The following MAP3K4 variants were observed in gnomAD, a reference collection of about 807,000 sequenced individuals.
The protein encoded by MAP3K4 is mitogen-activated protein kinase kinase kinase 4, also known as MAP three kinase 1.
A neutral mutation model predicts 185.6 loss-of-function variants in MAP3K4; 67 were observed. The ratio of observed to expected loss-of-function variants is 0.36; its 90% CI spans 0.30 to 0.44. MAP3K4 has a LOEUF of 0.44. Ranked by LOEUF, MAP3K4 falls within the 20% of genes least tolerant of loss-of-function variation. The probability of loss-of-function intolerance (pLI) is 1.00; values close to 1 mark genes in which losing one functional copy is unlikely to be tolerated. For missense variants in MAP3K4, 1,551 were observed against 1,995.1 expected, an observed-to-expected ratio of 0.78 and a Z score of 4.24; for synonymous variants, 702 against 710.4, an observed-to-expected ratio of 0.99 and a Z score of 0.19.
chr6:161,099,083 C>G, intron 17 of MAP3K4, among the ~76,000 whole-genome samples: 1 of 152,156 alleles, frequency 6.6e-6, no homozygotes, highest in Non-Finnish European at 1.5e-5. Flanking sequence ...GTTCTCCTAT[C>G]CTAAGTGGAG....
rs142859929 is a variant in MAP3K4, at chr6:161,078,299, C to T, written c.2098-2582C>T. On this transcript the variant is annotated intron_variant, in intron 5 of 26. Transcript: ENST00000392142. Reference sequence around the variant, plus strand: ...GGGCAGGGGGAATGGGATGGTTAGGCTTAAGCCAGCTTTGGGGTCTTGACC... The same window carrying T: ...GGGCAGGGGGAATGGGATGGTTAGGTTTAAGCCAGCTTTGGGGTCTTGACC... Among the ~76,000 whole-genome samples, 304 of 152,316 alleles carry T rather than the reference C, an allele frequency of 2.0e-3. 1 individual carries two copies. Among genetic ancestry groups the T allele is most frequent in the African/African-American group, 7.0e-3 (290 of 41,572 alleles).
chr6:161,075,964 A>T lies in MAP3K4; in HGVS notation c.2097+2352A>T, dbSNP rs1305693066. Among the ~76,000 whole-genome samples, 1 of 152,210 alleles carries T rather than the reference A, an allele frequency of 6.6e-6. No individual in the cohort carries two copies. Among genetic ancestry groups the T allele is most frequent in the African/African-American group, 2.4e-5 (1 of 41,452 alleles). Reference sequence around the variant, plus strand: ...ATTAGGAAGGAAGGAAAGAACAGCAATTGAATTGGCAGTCAAATTATGTTT... The same window carrying T: ...ATTAGGAAGGAAGGAAAGAACAGCATTTGAATTGGCAGTCAAATTATGTTT... On this transcript the variant is annotated intron_variant, in intron 5 of 26. Coordinates refer to ENST00000392142, the MANE Select transcript of MAP3K4 (RefSeq NM_005922.4). This position sits in a 1 kb window ranked among gnomAD's most constrained non-coding sequence, Gnocchi z 4.3.
At position 161,084,606 on chromosome 6, in the gene MAP3K4, C is replaced by T. The variant is rs779992296; in HGVS notation, c.2361C>T (p.Ser787=). ...CTAGTGCGGATGACAGCAGTGCTTCCGACGAAATCAGGTTGGAGTTGTGCT... is the reference window on the plus strand; with the variant it reads ...CTAGTGCGGATGACAGCAGTGCTTCTGACGAAATCAGGTTGGAGTTGTGCT... ...FWTSADDSSA[S]DEIRRSVIEI... Residue 787 remains serine, a synonymous_variant, in exon 7 of 27, where the codon TCC becomes TCT. Transcript: ENST00000392142. The surrounding 1 kb of genome is among the most constrained non-coding windows in gnomAD (Gnocchi z 4.6). 1.0e-5 allele frequency: 16 copies of T among 1,594,612 alleles called. No individual in the cohort carries two copies. In the East Asian group the frequency reaches 2.0e-4, roughly 20 times the overall value.
At chr6:161,105,619 T>A (rs1778031114) in intron 19 of MAP3K4, among the ~76,000 whole-genome samples, 1 of 152,090 alleles carries the variant, frequency 6.6e-6, no homozygotes, top group Admixed American at 6.5e-5. Context: ...TAAGATTCAC[T>A]CAACAGATAC....
intron 2 of MAP3K4, among the ~76,000 whole-genome samples, chr6:161,040,818 G>A (rs1457479740): frequency 6.6e-6 from 1 of 152,236 alleles, no homozygotes; most frequent in African/African-American, 2.4e-5. Context: ...TCAGTAAGAG[G>A]ATATTATCTT....
At chr6:160,998,688 G>A (rs1284264947) in intron 1 of MAP3K4, among the ~76,000 whole-genome samples, 1 of 152,176 alleles carries the variant, frequency 6.6e-6, no homozygotes, top group Non-Finnish European at 1.5e-5. Context: ...TTACATTAGG[G>A]TGGTCTTTTA....
At chr6:161,005,675 T>G (rs925794702) in intron 1 of MAP3K4, among the ~76,000 whole-genome samples, 15 of 152,206 alleles carry the variant, frequency 9.9e-5, no homozygotes, top group African/African-American at 3.4e-4. Context: ...GTAGTAGTAA[T>G]GTTAGCTTAT....
Position 161,109,967 on chromosome 6 carries a change from C to T in MAP3K4, c.4396+53C>T, listed in dbSNP as rs1583247809. 26 of 1,595,330 alleles carry T rather than the reference C, an allele frequency of 1.6e-5. No homozygotes were observed. In the East Asian group the frequency reaches 4.5e-4, roughly 27 times the overall value. ...GGGCCAGAGCCACTGGTACCCAGCCCGTGGGAGGTGCTCTGAAGACGCTCA... is the reference window on the plus strand; with the variant it reads ...GGGCCAGAGCCACTGGTACCCAGCCTGTGGGAGGTGCTCTGAAGACGCTCA... On this transcript the variant is annotated intron_variant, in intron 23 of 26. Transcript: ENST00000392142. The surrounding 1 kb of genome is among the most constrained non-coding windows in gnomAD (Gnocchi z 5.7).
At chr6:161,024,712 G>A (rs938011317) in intron 1 of MAP3K4, among the ~76,000 whole-genome samples, 1 of 152,164 alleles carries the variant, frequency 6.6e-6, no homozygotes, top group East Asian at 1.9e-4. Flanking sequence ...CATATCAGGG[G>A]CACGTGCTGT....
chr6:161,036,461 C>A (rs1429560366), intron 2 of MAP3K4, among the ~76,000 whole-genome samples: 2 of 152,164 alleles, frequency 1.3e-5, no homozygotes, highest in African/African-American at 4.8e-5. Context: ...AAAGTAGCTT[C>A]TTTTACCATT....
rs539938220 is a variant in MAP3K4 at position 161,026,341 on chromosome 6, T to A, written c.153-7918T>A. On this transcript the variant is annotated intron_variant, in intron 1 of 26. Coordinates refer to ENST00000392142, the MANE Select transcript of MAP3K4 (RefSeq NM_005922.4). ...TAGTAAAGACGGGGTTTCACCATGT[T>A]AGCCAGGATGGTCTTGATCTTCTGA... 7.2e-5 allele frequency among the ~76,000 whole-genome samples: 11 copies of A among 152,222 alleles called. No homozygotes were observed. The East Asian group carries it at 1.7e-3, about 24-fold the overall frequency.
chr6:161,085,877 A>G (rs1443379633), intron 7 of MAP3K4, among the ~76,000 whole-genome samples: 1 of 152,202 alleles, frequency 6.6e-6, no homozygotes, highest in African/African-American at 2.4e-5. Context: ...AGAGCTGATC[A>G]TGCACATCTC....
In MAP3K4 at chr6:161,048,850, G is replaced by C. The variant is rs2114760892; in HGVS notation, c.578G>C (p.Cys193Ser). Residue 193 changes from cysteine (C) to serine (S), a missense_variant, in exon 3 of 27, where the codon TGT becomes TCT. Cys to Ser is a moderately radical substitution (Grantham distance 112, BLOSUM62 -1). This residue lies in a region of MAP3K4 where 287 missense variants were observed against 268.8 expected (regional missense o/e 1.07). Transcript: ENST00000392142. This position sits in a 1 kb window ranked among gnomAD's most constrained non-coding sequence, Gnocchi z 4.7. ...DLNKPYLSLG[C>S]SNAKLPVSVP... is the part of the protein sequence containing the mutation. ...AATAAGCCTTACCTCAGCCTTGGCT[G>C]TAGCAATGCTAAGCTTCCAGTATCT... 1 of 1,614,188 alleles carries C rather than the reference G, an allele frequency of 6.2e-7. No homozygotes were observed. Among genetic ancestry groups the C allele is most frequent in the East Asian group, 2.2e-5 (1 of 44,882 alleles).
In MAP3K4 at chr6:161,109,171, C is replaced by G; in HGVS notation, c.4236+312C>G. On this transcript the variant is annotated intron_variant, in intron 22 of 26. Transcript: ENST00000392142. The surrounding 1 kb of genome is among the most constrained non-coding windows in gnomAD (Gnocchi z 5.7). ...CTTTTTTTCCGTTTTTTTGCTGAAC[C>G]ACTGTTGAGTACACTGTTAAGTAAT... is the stretch of plus-strand genomic sequence containing the variant. 1 of 539,690 alleles carries G rather than the reference C, an allele frequency of 1.9e-6. No individual in the cohort carries two copies. The allele number at this position is 539,690 out of a possible 1,614,324, so 33.4% of individuals were successfully genotyped here. A position where few individuals can be genotyped will look rare whatever the true frequency, so the allele number is the denominator to read the frequency against.
Position 160,996,877 on chromosome 6 carries a change from A to G in MAP3K4, c.152+4794A>G, listed in dbSNP as rs1781019288. Among the ~76,000 whole-genome samples, 1 of 152,178 alleles carries G rather than the reference A, an allele frequency of 6.6e-6. No homozygotes were observed. Among genetic ancestry groups the G allele is most frequent in the Non-Finnish European group, 1.5e-5 (1 of 68,040 alleles). Reference sequence around the variant, plus strand: ...ATTAGCAAGGGAAATGAGTTGAATGATCCCGGTGACTCATGTTAGCAGACC... The same window carrying G: ...ATTAGCAAGGGAAATGAGTTGAATGGTCCCGGTGACTCATGTTAGCAGACC... On this transcript the variant is annotated intron_variant, in intron 1 of 26. Transcript: ENST00000392142. This position sits in a 1 kb window ranked among gnomAD's most constrained non-coding sequence, Gnocchi z 4.5.
chr6:161,045,114 A>G (rs944233144), intron 2 of MAP3K4, among the ~76,000 whole-genome samples: 24 of 152,200 alleles, frequency 1.6e-4, no homozygotes, highest in African/African-American at 5.3e-4. Flanking sequence ...CACAGTAGCT[A>G]GACACGAGTT....
chr6:161,080,566 A>C lies in MAP3K4; in HGVS notation c.2098-315A>C. On this transcript the variant is annotated intron_variant, in intron 5 of 26. Coordinates refer to ENST00000392142, the MANE Select transcript of MAP3K4 (RefSeq NM_005922.4). This position sits in a 1 kb window ranked among gnomAD's most constrained non-coding sequence, Gnocchi z 4.8. Reference sequence around the variant, plus strand: ...GAATAATGTTGACAGTACATTCATAATGAAAAGTTCTGGGTACTGTTCTTT... The same window carrying C: ...GAATAATGTTGACAGTACATTCATACTGAAAAGTTCTGGGTACTGTTCTTT... 3.1e-6 allele frequency: 1 copy of C among 317,688 alleles called. No individual in the cohort carries two copies. Among genetic ancestry groups the C allele is most frequent in the Non-Finnish European group, 5.9e-6 (1 of 169,330 alleles). The allele number at this position is 317,688 out of a possible 1,614,324, so 19.7% of individuals were successfully genotyped here.
chr6:161,009,007 A>G (rs1247908797), intron 1 of MAP3K4, among the ~76,000 whole-genome samples: 3 of 143,712 alleles, frequency 2.1e-5, no homozygotes, highest in Non-Finnish European at 4.5e-5. Context: ...TTTTTTTGAG[A>G]CGGAATCTCA....
At chr6:161,025,803 T>C (rs1359061702) in intron 1 of MAP3K4, among the ~76,000 whole-genome samples, 1 of 152,246 alleles carries the variant, frequency 6.6e-6, no homozygotes, top group Admixed American at 6.5e-5. Flanking sequence ...ACGTTTTTCT[T>C]GTTTCTCTGT....
Sources: allele counts gnomAD v4.1 joint callset (sites outside exome capture counted in the v4.1 genomes callset), GRCh38; gene constraint gnomAD v4.1.1; regional missense constraint gnomAD v4.1.1; non-coding constraint Gnocchi (gnomAD v3.1); transcripts MANE v1.5; gene names NCBI Gene and HGNC (gene_info 2026-07-23, HGNC 2026-07-21).